The following PDZRN3 variants were observed in gnomAD, a reference collection of about 807,000 sequenced individuals.
PDZRN3 encodes PDZ domain containing ring finger 3.
PDZRN3 carries 38 observed loss-of-function variants against 85.7 expected under a neutral mutation model. The observed-to-expected ratio is 0.44, with a 90% CI of 0.34 to 0.58. The LOEUF (loss-of-function observed/expected upper bound fraction) is 0.58. PDZRN3 is among the 20% of genes least tolerant of loss of function. PDZRN3 has a pLI of 0.01. For missense variants in PDZRN3, 1,629 were observed against 1,506.4 expected (o/e 1.08, Z -1.35); for synonymous variants, 759 against 638.0 (o/e 1.19, Z -2.86).
intron 3 of PDZRN3, among the ~76,000 whole-genome samples, chr3:73,592,640 C>T (rs1334027781): frequency 2.0e-5 from 3 of 152,174 alleles, no homozygotes; most frequent in Non-Finnish European, 2.9e-5. Context: ...AGCACTGTGG[C>T]ACTTGGCATG....
intron 3 of PDZRN3, among the ~76,000 whole-genome samples, chr3:73,442,010 C>CACATGGCCCATGTGAATGTGCCCAA (rs1485032513): frequency 1.3e-5 from 2 of 152,194 alleles, no homozygotes; most frequent in Non-Finnish European, 2.9e-5. Context: ...CATGGGTAAT[C>CACATGGCCCATGTGAATGTGCCCAA]TCTTTGCCCA....
chr3:73,443,499 G>GT (rs1702687211), intron 3 of PDZRN3, among the ~76,000 whole-genome samples: 1 of 44,352 alleles, frequency 2.3e-5, no homozygotes, highest in African/African-American at 2.8e-4. Flanking sequence ...TTTTTTTTTT[G>GT]GGGGGGGGAC....
intron 5 of PDZRN3, among the ~76,000 whole-genome samples, chr3:73,396,826 G>C (rs1701647460): frequency 6.6e-6 from 1 of 152,096 alleles, no homozygotes; most frequent in Admixed American, 6.5e-5. Flanking sequence ...TTTCTTAATT[G>C]CCTACAGGAA....
intron 3 of PDZRN3, among the ~76,000 whole-genome samples, chr3:73,461,107 C>T (rs4676926): frequency 0.57 from 86,117 of 151,984 alleles, 24,604 homozygotes; most frequent in East Asian, 0.79. Context: ...ATTTATTTTA[C>T]ATTTGCTATT....
intron 3 of PDZRN3, among the ~76,000 whole-genome samples, chr3:73,441,909 A>G (rs13069572): frequency 0.084 from 12,798 of 152,196 alleles, 604 homozygotes; most frequent in Middle Eastern, 0.17. Context: ...TTCTAGATAC[A>G]AGGTTTCCTT....
intron 3 of PDZRN3, among the ~76,000 whole-genome samples, chr3:73,499,462 G>A (rs753455861): frequency 4.6e-5 from 7 of 152,044 alleles, no homozygotes; most frequent in Admixed American, 1.3e-4. Context: ...TCTCTGTCTC[G>A]AGTCCTTACA....
intron 3 of PDZRN3, among the ~76,000 whole-genome samples, chr3:73,506,298 T>C (rs567094313): frequency 6.6e-6 from 1 of 152,288 alleles, no homozygotes; most frequent in East Asian, 1.9e-4. Flanking sequence ...ATATAATTAA[T>C]GATTGGCATC....
chr3:73,447,691 C>T (rs564664303), intron 3 of PDZRN3, among the ~76,000 whole-genome samples: 100 of 152,304 alleles, frequency 6.6e-4, no homozygotes, highest in African/African-American at 2.3e-3. Context: ...CCTCCACTGG[C>T]TTTAGAGATA....
At chr3:73,533,211 C>T (rs1396139305) in intron 3 of PDZRN3, among the ~76,000 whole-genome samples, 11 of 152,190 alleles carry the variant, frequency 7.2e-5, no homozygotes, top group Admixed American at 7.2e-4. Context: ...TTAACTTAAT[C>T]AAGTTTCCAT....
intron 2 of PDZRN3, among the ~76,000 whole-genome samples, chr3:73,607,576 C>T (rs1052550022): frequency 4.5e-4 from 69 of 152,318 alleles, no homozygotes; most frequent in African/African-American, 1.6e-3. Flanking sequence ...TGGCTGGCAT[C>T]TTCTCGTCCT....
chr3:73,616,356 A>G (rs1702763772), intron 1 of PDZRN3, among the ~76,000 whole-genome samples: 2 of 152,200 alleles, frequency 1.3e-5, no homozygotes, highest in South Asian at 4.1e-4. Context: ...AAAAACCATA[A>G]GTGCACTTGC....
chr3:73,419,246 C>T (rs1410136501), intron 3 of PDZRN3, among the ~76,000 whole-genome samples: 1 of 152,124 alleles, frequency 6.6e-6, no homozygotes, highest in Non-Finnish European at 1.5e-5. Context: ...AGTTCATGTA[C>T]ATGACTTTGA....
At chr3:73,521,990 A>C (rs1327367439) in intron 3 of PDZRN3, among the ~76,000 whole-genome samples, 1 of 152,210 alleles carries the variant, frequency 6.6e-6, no homozygotes, top group East Asian at 1.9e-4. Flanking sequence ...TGTTTCTGTA[A>C]GGCTTATAAG....
At chr3:73,405,023 G>C (rs890253645) in intron 3 of PDZRN3, among the ~76,000 whole-genome samples, 6 of 152,174 alleles carry the variant, frequency 3.9e-5, no homozygotes, top group Non-Finnish European at 7.3e-5. Flanking sequence ...TGCTATTACT[G>C]CATCCTCAAA....
intron 3 of PDZRN3, among the ~76,000 whole-genome samples, chr3:73,464,049 G>A (rs1191437602): frequency 6.6e-6 from 1 of 152,098 alleles, no homozygotes; most frequent in Non-Finnish European, 1.5e-5. Context: ...GAAACAGGGC[G>A]ATCTCGGCTC....
chr3:73,586,347 G>A (rs935129455), intron 3 of PDZRN3, among the ~76,000 whole-genome samples: 3 of 152,202 alleles, frequency 2.0e-5, no homozygotes, highest in African/African-American at 7.2e-5. Flanking sequence ...AAGGCCTCAT[G>A]ACATACTGTC....
At chr3:73,601,371 G>C (rs1263849790) in intron 3 of PDZRN3, among the ~76,000 whole-genome samples, 1 of 152,142 alleles carries the variant, frequency 6.6e-6, no homozygotes, top group Non-Finnish European at 1.5e-5. Context: ...TGATAAAAAT[G>C]CATGTGGAAA....
At chr3:73,405,993 C>A (rs1701847402) in intron 3 of PDZRN3, among the ~76,000 whole-genome samples, 2 of 152,190 alleles carry the variant, frequency 1.3e-5, no homozygotes, top group Admixed American at 1.3e-4. Flanking sequence ...ATGTTGAATT[C>A]TTTCCTTGTA....
At chr3:73,441,512 C>CA (rs1274928599) in intron 3 of PDZRN3, among the ~76,000 whole-genome samples, 1 of 150,898 alleles carries the variant, frequency 6.6e-6, no homozygotes, top group Non-Finnish European at 1.5e-5. Flanking sequence ...AATTTGACGA[C>CA]AAAACAATCA....
Sources: gnomAD v4.1 joint callset for allele counts (sites outside exome capture counted in the v4.1 genomes callset) on GRCh38, gnomAD v4.1.1 for gene constraint, MANE v1.5 for transcripts, NCBI Gene and HGNC (gene_info 2026-07-23, HGNC 2026-07-21) for gene names.